The following PLCB4 variants were observed in gnomAD, a reference collection of about 807,000 sequenced individuals.
The protein encoded by PLCB4 is phospholipase C beta 4, also known as 1-phosphatidylinositol 4,5-bisphosphate phosphodiesterase beta-4.
A neutral mutation model predicts 178.8 loss-of-function variants in PLCB4; 77 were observed. That is an observed-to-expected ratio of 0.43 (90% CI 0.36 to 0.52). PLCB4 has a LOEUF of 0.52. Ranked by LOEUF, PLCB4 falls within the 20% of genes least tolerant of loss-of-function variation. The pLI is 0.00. For missense variants in PLCB4, 1,024 were observed against 1,453.4 expected (o/e 0.70, Z 4.80); for synonymous variants, 496 against 490.8 (o/e 1.01, Z -0.14).
intron 3 of PLCB4, among the ~76,000 whole-genome samples, chr20:9,304,266 G>A (rs898941422): frequency 7.2e-5 from 11 of 151,780 alleles, no homozygotes; most frequent in African/African-American, 2.4e-4. Context: ...TAATTTCCAT[G>A]TATATAGATG....
intron 3 of PLCB4, among the ~76,000 whole-genome samples, chr20:9,273,129 T>A (rs1435274796): frequency 6.6e-6 from 1 of 152,254 alleles, no homozygotes; most frequent in African/African-American, 2.4e-5. Flanking sequence ...TCAAGTAGCA[T>A]GCAGGAAGGA....
Position 9,174,594 on chromosome 20 carries a change from T to C in PLCB4, c.-78-42796T>C, listed in dbSNP as rs571646164. Among the ~76,000 whole-genome samples the C allele has an allele frequency of 2.6e-5, 4 of 152,288 alleles. No homozygotes were observed. The South Asian group carries it at 8.3e-4, about 32-fold the overall frequency. ...TTGGTCCCTTGACTATTAAGCTCTT[T>C]AAAGCCTAATTATTTTCCCCTGGGA... On this transcript the variant is annotated intron_variant, in intron 2 of 39. Coordinates refer to ENST00000378473, the MANE Select transcript of PLCB4 (RefSeq NM_001377142.1).
intron 3 of PLCB4, among the ~76,000 whole-genome samples, chr20:9,252,243 A>C (rs964509345): frequency 5.3e-5 from 8 of 152,236 alleles, no homozygotes; most frequent in African/African-American, 1.9e-4. Context: ...AGTAGCTATC[A>C]TATGAGACAC....
intron 19 of PLCB4, among the ~76,000 whole-genome samples, chr20:9,399,290 C>G (rs2038850022): frequency 6.6e-6 from 1 of 152,178 alleles, no homozygotes; most frequent in Non-Finnish European, 1.5e-5. Flanking sequence ...AATCATCCAC[C>G]TAGATGGCAC....
chr20:9,375,097 C>T (rs1342557045), intron 12 of PLCB4, among the ~76,000 whole-genome samples: 2 of 152,040 alleles, frequency 1.3e-5, no homozygotes, highest in Non-Finnish European at 2.9e-5. Context: ...CAAGTGTCTG[C>T]CCTGAATTTA....
At chr20:9,336,407 C>T (rs991127323) in intron 4 of PLCB4, among the ~76,000 whole-genome samples, 1 of 152,156 alleles carries the variant, frequency 6.6e-6, no homozygotes, top group Non-Finnish European at 1.5e-5. Flanking sequence ...TTCATTCAAA[C>T]GTCATTCTGT....
At chr20:9,338,873 T>C (rs762504329) in intron 6 of PLCB4, 21 bp from the exon 7 acceptor site, 1 of 1,590,592 alleles carries the variant, frequency 6.3e-7, no homozygotes, top group Non-Finnish European at 8.6e-7. Context: ...TTTTTTTTTC[T>C]ATCTGTGTAC....
intron 2 of PLCB4, among the ~76,000 whole-genome samples, chr20:9,125,412 T>G (rs2092085834): frequency 6.6e-6 from 1 of 152,234 alleles, no homozygotes; most frequent in Non-Finnish European, 1.5e-5. Context: ...TTGTGTGTTT[T>G]TTTTCAAACC....
intron 2 of PLCB4, among the ~76,000 whole-genome samples, chr20:9,139,997 A>G (rs1220705720): frequency 6.6e-6 from 1 of 152,086 alleles, no homozygotes; most frequent in African/African-American, 2.4e-5. Flanking sequence ...CTGAGGCTTG[A>G]GATAACTTTT....
chr20:9,342,379 C>T (rs2033312995), intron 7 of PLCB4, among the ~76,000 whole-genome samples: 1 of 152,094 alleles, frequency 6.6e-6, no homozygotes, highest in African/African-American at 2.4e-5. Context: ...TGGTTCTACT[C>T]AAACGTGAGT....
chr20:9,207,051 G>A (rs753613331), intron 2 of PLCB4, among the ~76,000 whole-genome samples: 1 of 152,184 alleles, frequency 6.6e-6, no homozygotes. Context: ...GGGAGGCGGA[G>A]TTTGCAGTGA....
chr20:9,475,766 T>TC (rs1185041617), intron 38 of PLCB4, among the ~76,000 whole-genome samples: 5 of 152,330 alleles, frequency 3.3e-5, no homozygotes, highest in African/African-American at 1.2e-4. Flanking sequence ...ACAGTTACTC[T>TC]GTATGGTACA....
intron 2 of PLCB4, among the ~76,000 whole-genome samples, chr20:9,125,946 A>G (rs2092102368): frequency 6.6e-6 from 1 of 152,148 alleles, no homozygotes; most frequent in Non-Finnish European, 1.5e-5. Flanking sequence ...TAAGGTCACT[A>G]TGTGTCTAGT....
intron 3 of PLCB4, among the ~76,000 whole-genome samples, chr20:9,267,550 T>C (rs2147595916): frequency 6.6e-6 from 1 of 152,200 alleles, no homozygotes; most frequent in Non-Finnish European, 1.5e-5. Context: ...TTTTTGAGGT[T>C]ATTTTTCTCT....
intron 3 of PLCB4, among the ~76,000 whole-genome samples, chr20:9,258,504 C>T (rs1319244411): frequency 6.6e-6 from 1 of 151,896 alleles, no homozygotes; most frequent in Non-Finnish European, 1.5e-5. Context: ...ATCATGAAGT[C>T]AGGAGTTCAA....
At chr20:9,155,337 A>G (rs537731303) in intron 2 of PLCB4, among the ~76,000 whole-genome samples, 7 of 152,180 alleles carry the variant, frequency 4.6e-5, no homozygotes, top group Admixed American at 2.0e-4. Context: ...CATTTTCTTT[A>G]TCCATTCATT....
At chr20:9,155,722 G>A (rs1189450708) in intron 2 of PLCB4, among the ~76,000 whole-genome samples, 2 of 152,114 alleles carry the variant, frequency 1.3e-5, no homozygotes, top group African/African-American at 4.8e-5. Flanking sequence ...CTTCTGAGTG[G>A]GTGGGTTTCC....
At chr20:9,252,449 G>T (rs1486399053) in intron 3 of PLCB4, among the ~76,000 whole-genome samples, 1 of 152,182 alleles carries the variant, frequency 6.6e-6, no homozygotes. Flanking sequence ...CTCTAATTTA[G>T]ATTTAATGTG....
At chr20:9,081,283 C>T (rs923448820) in intron 1 of PLCB4, among the ~76,000 whole-genome samples, 2 of 152,248 alleles carry the variant, frequency 1.3e-5, no homozygotes, top group South Asian at 2.1e-4. Flanking sequence ...TAAGATACTT[C>T]AACAGCTCCC....
Sources: gnomAD v4.1 joint callset for allele counts (sites outside exome capture counted in the v4.1 genomes callset) on GRCh38, gnomAD v4.1.1 for gene constraint, MANE v1.5 for transcripts, NCBI Gene and HGNC (gene_info 2026-07-23, HGNC 2026-07-21) for gene names.